SH3KBP1: variants seen among roughly 807,000 people sequenced by gnomAD.
SH3KBP1 encodes SH3 domain-containing kinase-binding protein 1.
SH3KBP1 carries 8 observed loss-of-function variants against 50.1 expected under a neutral mutation model. The observed-to-expected ratio is 0.16, with a 90% CI of 0.09 to 0.29. SH3KBP1 has a LOEUF of 0.29. Among genes scored for constraint, SH3KBP1 ranks in the 10% least tolerant of loss-of-function variants. SH3KBP1 has a pLI of 1.00. For synonymous variants in SH3KBP1, 227 were observed against 218.6 expected (o/e 1.04, Z -0.34); for missense variants, 377 against 535.2 (o/e 0.70, Z 2.92).
Position 19,759,361 on chromosome X carries a change from A to C in SH3KBP1, c.163-12920T>G, listed in dbSNP as rs968361448. ...ACTGCCATTTAAAACAGGAGGGACA[A>C]GGAAAATGACTTTAGTATAAACTTT... On this transcript the variant is annotated intron_variant, in intron 2 of 17. Transcript: ENST00000397821. Among the ~76,000 whole-genome samples, 3 of 111,914 alleles carry C rather than the reference A, an allele frequency of 2.7e-5. No homozygotes were observed. In the South Asian group the frequency reaches 1.1e-3, roughly 42 times the overall value.
At chrX:19,861,128 G>A (rs1036876064) in intron 1 of SH3KBP1, among the ~76,000 whole-genome samples, 5 of 111,561 alleles carry the variant, frequency 4.5e-5, no homozygotes, top group African/African-American at 1.6e-4. Context: ...TGTAATCCCA[G>A]CACTTTGAGA....
At chrX:19,725,957 G>A (rs2064210348) in intron 3 of SH3KBP1, among the ~76,000 whole-genome samples, 1 of 111,967 alleles carries the variant, frequency 8.9e-6, no homozygotes, top group African/African-American at 3.2e-5. Flanking sequence ...GAAACCAGTA[G>A]CCAGCACAGA....
At chrX:19,581,109 G>A (rs2066357742) in intron 12 of SH3KBP1, among the ~76,000 whole-genome samples, 1 of 110,812 alleles carries the variant, frequency 9.0e-6, no homozygotes, top group African/African-American at 3.3e-5. Context: ...GCAACACCAT[G>A]CATGGCTAAT....
chrX:19,827,251 G>A (rs1338798872), intron 2 of SH3KBP1, among the ~76,000 whole-genome samples: 3 of 111,916 alleles, frequency 2.7e-5, no homozygotes, highest in East Asian at 5.6e-4. Flanking sequence ...GCAGGCAGAG[G>A]GGAAAATGTA....
rs764785952 is a variant in SH3KBP1, at chrX:19,537,797, A to G, written c.1893-17T>C. On this transcript the variant is annotated splice_polypyrimidine_tract_variant and intron_variant, in intron 16 of 17. Transcript: ENST00000397821. ...ATCTCTCGTCTGAAAAGCAAATGGC[A>G]ATGAAATTAACCAAAATCCCAGACT... 1 of 1,187,854 alleles carries G rather than the reference A, an allele frequency of 8.4e-7. No individual in the cohort carries two copies. The highest frequency in any genetic ancestry group is 1.1e-6 in the Non-Finnish European group (1 of 874,243).
intron 3 of SH3KBP1, among the ~76,000 whole-genome samples, chrX:19,721,449 C>T (rs971724112): frequency 8.9e-6 from 1 of 112,005 alleles, no homozygotes; most frequent in African/African-American, 3.3e-5. Flanking sequence ...TTTACACTCA[C>T]CCCTGCTTCA....
At chrX:19,704,935 G>T (rs1050838867) in intron 4 of SH3KBP1, among the ~76,000 whole-genome samples, 1 of 112,023 alleles carries the variant, frequency 8.9e-6, no homozygotes, top group Non-Finnish European at 1.9e-5. Flanking sequence ...AGTTTCTGTG[G>T]ATAAATTCTC....
chrX:19,539,323 G>T (rs1286691143), intron 16 of SH3KBP1, among the ~76,000 whole-genome samples: 1 of 112,355 alleles, frequency 8.9e-6, no homozygotes, highest in Non-Finnish European at 1.9e-5. Flanking sequence ...CACGATGATG[G>T]TCCCTATTCT....
At position 19,634,150 on chromosome X, in the gene SH3KBP1, C is replaced by CAG. The variant is rs748118013; in HGVS notation, c.803-2194_803-2193dup. On this transcript the variant is annotated intron_variant, in intron 7 of 17. Coordinates refer to ENST00000397821, the MANE Select transcript of SH3KBP1 (RefSeq NM_031892.3). ...AGAGACCGAGAGACACAGAGAGACA[C>CAG]AGAGAGAGAGAGACATGGAGAGACA... Among the ~76,000 whole-genome samples the CAG allele has an allele frequency of 1.1e-4, 11 of 98,114 alleles. No homozygotes were observed. The East Asian group carries it at 2.9e-3, about 26-fold the overall frequency. The allele number at this position is 98,114 out of a possible 115,157, so 85.2% of individuals were successfully genotyped here. A position where few individuals can be genotyped will look rare whatever the true frequency, so the allele number is the denominator to read the frequency against.
intron 3 of SH3KBP1, among the ~76,000 whole-genome samples, chrX:19,745,869 C>T (rs2064904426): frequency 1.8e-5 from 2 of 112,667 alleles, no homozygotes; most frequent in African/African-American, 6.5e-5. Context: ...TATCTTTGCA[C>T]ATTCTGCCTC....
chrX:19,745,903 G>A (rs2064905700), intron 3 of SH3KBP1, among the ~76,000 whole-genome samples: 1 of 112,623 alleles, frequency 8.9e-6, no homozygotes, highest in South Asian at 3.6e-4. Flanking sequence ...GGCAGGGTCT[G>A]CGCTAGGGAG....
At chrX:19,810,835 C>T (rs889431750) in intron 2 of SH3KBP1, among the ~76,000 whole-genome samples, 3 of 112,399 alleles carry the variant, frequency 2.7e-5, no homozygotes, top group African/African-American at 6.5e-5. Flanking sequence ...GAAGCTCACA[C>T]TATAATTGCA....
chrX:19,826,030 G>A (rs1446107904), intron 2 of SH3KBP1, among the ~76,000 whole-genome samples: 2 of 111,956 alleles, frequency 1.8e-5, no homozygotes, highest in Non-Finnish European at 3.8e-5. Context: ...ATAGAATGCA[G>A]CCATTATTAC....
intron 1 of SH3KBP1, among the ~76,000 whole-genome samples, chrX:19,873,311 T>TATATAC (rs1491556064): frequency 1.0e-5 from 1 of 96,149 alleles, no homozygotes; most frequent in Non-Finnish European, 2.0e-5. Context: ...TATATATATA[T>TATATAC]ACATATACAT....
chrX:19,614,837 G>C (rs766021053), intron 8 of SH3KBP1, among the ~76,000 whole-genome samples: 1 of 111,840 alleles, frequency 8.9e-6, no homozygotes, highest in Non-Finnish European at 1.9e-5. Flanking sequence ...TCCTGAAAAC[G>C]ATAAGCTCCT....
rs1311553755 is a variant in SH3KBP1, at chrX:19,541,943, G to C, written c.1874C>G (p.Thr625Ser). ...QVRELRSIIE[T>S]MKDQQKREIK... ...CACTCACTTCTGCTGGTCCTTCATGGTCTCGATGATGCTCCTCAGCTCGCG... is the reference window on the plus strand; with the variant it reads ...CACTCACTTCTGCTGGTCCTTCATGCTCTCGATGATGCTCCTCAGCTCGCG... The change falls in exon 16 of 18, where the codon ACC becomes AGC. Residue 625 changes from threonine (T) to serine (S), a missense_variant. Physicochemically the swap from Thr to Ser is moderately conservative, Grantham distance 58 (BLOSUM62 1). Transcript: ENST00000397821. The C allele has an allele frequency of 5.0e-6, 6 of 1,209,590 alleles. No individual in the cohort carries two copies. The South Asian group carries it at 1.1e-4, about 21-fold the overall frequency.
At chrX:19,829,957 TA>T (rs1231400355) in intron 2 of SH3KBP1, among the ~76,000 whole-genome samples, 1 of 111,159 alleles carries the variant, frequency 9.0e-6, no homozygotes, top group African/African-American at 3.3e-5. Context: ...TTCCTGTCAT[TA>T]CCATGGCATC....
intron 2 of SH3KBP1, among the ~76,000 whole-genome samples, chrX:19,800,965 T>C (rs755302551): frequency 9.0e-5 from 10 of 111,506 alleles, no homozygotes; most frequent in Admixed American, 4.8e-4. Context: ...CACTGCTGGT[T>C]GCCTACCCAG....
intron 8 of SH3KBP1, among the ~76,000 whole-genome samples, chrX:19,623,387 A>G (rs1220914877): frequency 8.9e-6 from 1 of 112,050 alleles, no homozygotes; most frequent in African/African-American, 3.2e-5. Flanking sequence ...TTAAAGTATG[A>G]CTTAAAAGTG....
Sources: allele counts gnomAD v4.1 joint callset (sites outside exome capture counted in the v4.1 genomes callset), GRCh38; gene constraint gnomAD v4.1.1; transcripts MANE v1.5; gene names NCBI Gene and HGNC (gene_info 2026-07-23, HGNC 2026-07-21).